RASSF8: variants seen among roughly 807,000 people sequenced by gnomAD.
RASSF8 encodes Ras association domain family member 8, also known as ras association domain-containing protein 8.
RASSF8 carries 22 observed loss-of-function variants against 48.5 expected under a neutral mutation model. That is an observed-to-expected ratio of 0.45 (90% CI 0.32 to 0.65). RASSF8 has a LOEUF of 0.65. Ranked by LOEUF, RASSF8 falls within the 30% of genes least tolerant of loss-of-function variation. The pLI is 0.03. For synonymous variants in RASSF8, 127 were observed against 171.5 expected (o/e 0.74, Z 2.03); for missense variants, 418 against 489.2 (o/e 0.85, Z 1.37).
rs2137070734 is a variant in RASSF8 at position 26,022,738 on chromosome 12, C to A, written c.-109+27608C>A. Among the ~76,000 whole-genome samples, 2 of 151,844 alleles carry A rather than the reference C, an allele frequency of 1.3e-5. 1 individual carries two copies. Among genetic ancestry groups the A allele is most frequent in the Middle Eastern group, 6.8e-3 (2 of 294 alleles). On this transcript the variant is annotated intron_variant, in intron 2 of 5. Coordinates refer to ENST00000689635, the MANE Select transcript of RASSF8 (RefSeq NM_001394098.1). ...ACTAAAGGGGCTCCACAGTTGATTTCTTTCTTTCTTTTTTTTTTGAGACAG... is the reference window on the plus strand; with the variant it reads ...ACTAAAGGGGCTCCACAGTTGATTTATTTCTTTCTTTTTTTTTTGAGACAG...
At chr12:26,057,108 G>GTGTGTGTGTGTA (rs1555169463) in intron 3 of RASSF8, among the ~76,000 whole-genome samples, 11 of 151,430 alleles carry the variant, frequency 7.3e-5, no homozygotes, top group East Asian at 1.9e-4. Flanking sequence ...TTTTGTGTGT[G>GTGTGTGTGTGTA]TGTGTGTGTG....
intron 3 of RASSF8, among the ~76,000 whole-genome samples, chr12:26,057,637 A>G (rs1471222119): frequency 6.6e-6 from 1 of 152,216 alleles, no homozygotes; most frequent in African/African-American, 2.4e-5. Flanking sequence ...CTTTGGGTAT[A>G]TACGCAATAA....
chr12:26,061,965 A>G (rs1287751121), intron 3 of RASSF8, among the ~76,000 whole-genome samples: 1 of 152,224 alleles, frequency 6.6e-6, no homozygotes, highest in African/African-American at 2.4e-5. Flanking sequence ...CTCAGAGGGT[A>G]GCAGTACCAG....
intron 5 of RASSF8, chr12:26,079,011 G>A (rs1469187104): frequency 6.5e-7 from 1 of 1,532,600 alleles, no homozygotes; most frequent in East Asian, 2.5e-5. Flanking sequence ...TTGTTGTTGT[G>A]TGTTTCTTCT....
chr12:26,066,743 A>G (rs1943884271), intron 4 of RASSF8, among the ~76,000 whole-genome samples: 1 of 152,194 alleles, frequency 6.6e-6, no homozygotes, highest in African/African-American at 2.4e-5. Context: ...GAAAACAACC[A>G]TTCACTTCTA....
chr12:26,022,074 C>A (rs1343374801), intron 2 of RASSF8, among the ~76,000 whole-genome samples: 1 of 152,190 alleles, frequency 6.6e-6, no homozygotes, highest in African/African-American at 2.4e-5. Flanking sequence ...AAGAACCCCA[C>A]CCCCTAGTTT....
intron 2 of RASSF8, among the ~76,000 whole-genome samples, chr12:26,044,777 C>G (rs1483655741): frequency 6.6e-6 from 1 of 152,176 alleles, no homozygotes; most frequent in Non-Finnish European, 1.5e-5. Flanking sequence ...GTATGAAACA[C>G]TCATTAAACA....
At position 26,035,679 on chromosome 12, in the gene RASSF8, A is replaced by G. The variant is rs1425258023; in HGVS notation, c.-108-19557A>G. On this transcript the variant is annotated intron_variant, in intron 2 of 5. Coordinates refer to ENST00000689635, the MANE Select transcript of RASSF8 (RefSeq NM_001394098.1). ...CTGGGCTTAAAATTTTTTCTCTTAC[A>G]ATAAACACTTGTTTTTTTTTAAAGA... 2.8e-5 allele frequency among the ~76,000 whole-genome samples: 4 copies of G among 144,868 alleles called. No homozygotes were observed. The Admixed American group carries it at 2.8e-4, about 10-fold the overall frequency.
At chr12:26,033,454 A>T (rs1231654040) in intron 2 of RASSF8, among the ~76,000 whole-genome samples, 2 of 152,204 alleles carry the variant, frequency 1.3e-5, no homozygotes, top group Non-Finnish European at 2.9e-5. Flanking sequence ...GTTAAAGCTT[A>T]GGTATTATTT....
At chr12:26,013,484 T>C (rs1212921262) in intron 2 of RASSF8, among the ~76,000 whole-genome samples, 1 of 152,220 alleles carries the variant, frequency 6.6e-6, no homozygotes, top group Non-Finnish European at 1.5e-5. Context: ...CCTTCTAGTT[T>C]TACTATTTTC....
rs138794978 is a variant in RASSF8 at position 25,975,115 on chromosome 12, T to C, written c.-203+15967T>C. ...GTCCACCTGAGGAAATCAGGGAATG[T>C]TAAAGAGGAAAGTTCAGTTTGAGCT... On this transcript the variant is annotated intron_variant, in intron 1 of 5. Transcript: ENST00000689635. 2.7e-3 allele frequency among the ~76,000 whole-genome samples: 404 copies of C among 152,228 alleles called. 4 individuals are homozygous for C. The highest frequency in any genetic ancestry group is 9.1e-3 in the African/African-American group (380 of 41,538).
At chr12:26,003,896 G>A (rs1942321769) in intron 2 of RASSF8, among the ~76,000 whole-genome samples, 2 of 152,088 alleles carry the variant, frequency 1.3e-5, no homozygotes, top group African/African-American at 4.8e-5. Flanking sequence ...GTATCAAGGG[G>A]CCAGGTGCGG....
At chr12:26,027,935 G>A (rs1473190744) in intron 2 of RASSF8, among the ~76,000 whole-genome samples, 2 of 152,170 alleles carry the variant, frequency 1.3e-5, no homozygotes, top group African/African-American at 4.8e-5. Flanking sequence ...TAGAAGTCAG[G>A]ACAAAGGAGT....
At chr12:25,959,504 G>A (rs1238950493) in intron 1 of RASSF8, 1 of 152,224 alleles carries the variant, frequency 6.6e-6, no homozygotes, top group Non-Finnish European at 1.5e-5. Flanking sequence ...TTTTCCTCCG[G>A]ATGGAAATCG....
At chr12:25,990,013 G>C (rs568576214) in intron 1 of RASSF8, among the ~76,000 whole-genome samples, 16 of 152,300 alleles carry the variant, frequency 1.1e-4, no homozygotes, top group African/African-American at 3.8e-4. Context: ...GATTGACCTT[G>C]ACAAGGTTGT....
chr12:25,986,325 T>C lies in RASSF8; in HGVS notation c.-202-8712T>C, dbSNP rs181039525. Among the ~76,000 whole-genome samples the C allele has an allele frequency of 1.8e-3, 273 of 152,340 alleles. 2 individuals are homozygous for C. The highest frequency in any genetic ancestry group is 6.3e-3 in the African/African-American group (262 of 41,576). On this transcript the variant is annotated intron_variant, in intron 1 of 5. Coordinates refer to ENST00000689635, the MANE Select transcript of RASSF8 (RefSeq NM_001394098.1). ...GGTGTACTTATTCCCAAGAACTTGC[T>C]CTGCAGATGAGGAAACTGAAGCTCA...
chr12:26,026,006 T>C (rs1309458119), intron 2 of RASSF8, among the ~76,000 whole-genome samples: 1 of 152,146 alleles, frequency 6.6e-6, no homozygotes, highest in African/African-American at 2.4e-5. Flanking sequence ...AAGACTTAAA[T>C]GTAAGAAGAA....
At chr12:26,073,874 G>A (rs1048656511), downstream of RASSF8, among the ~76,000 whole-genome samples, 1 of 143,890 alleles carries the variant, frequency 6.9e-6, no homozygotes, top group Non-Finnish European at 1.5e-5. Context: ...AGCCAAAGTA[G>A]TATTTATTGA....
chr12:26,019,320 A>C (rs1378555240), intron 2 of RASSF8, among the ~76,000 whole-genome samples: 1 of 152,212 alleles, frequency 6.6e-6, no homozygotes, highest in African/African-American at 2.4e-5. Flanking sequence ...AGGAGTTCAA[A>C]TATATTTTGA....
Sources: gnomAD v4.1 joint callset for allele counts (sites outside exome capture counted in the v4.1 genomes callset) on GRCh38, gnomAD v4.1.1 for gene constraint, MANE v1.5 for transcripts, NCBI Gene and HGNC (gene_info 2026-07-23, HGNC 2026-07-21) for gene names.